The following PCDHA8 variants were observed in gnomAD, a reference collection of about 807,000 sequenced individuals.
The protein encoded by PCDHA8 is protocadherin alpha 8, also known as protocadherin alpha-8.
PCDHA8 carries 53 observed loss-of-function variants against 61.8 expected under a neutral mutation model. The ratio of observed to expected loss-of-function variants is 0.86; its 90% CI spans 0.69 to 1.08. The LOEUF (loss-of-function observed/expected upper bound fraction) is 1.08. Ranked by LOEUF, PCDHA8 falls within the 50% of genes least tolerant of loss-of-function variation. The pLI is 0.00. For synonymous variants in PCDHA8, 618 were observed against 556.6 expected (o/e 1.11, Z -1.55); for missense variants, 1,293 against 1,245.0 (o/e 1.04, Z -0.58).
intron 1 of PCDHA8, chr5:140,856,664 C>T (rs782626089): frequency 6.3e-7 from 1 of 1,598,020 alleles, no homozygotes; most frequent in Non-Finnish European, 8.6e-7. Context: ...AGAAAATCCT[C>T]AGCTAAAGTT....
intron 1 of PCDHA8, chr5:140,926,327 A>AGAGCGCCGGGACCC (rs1363803647): frequency 6.6e-6 from 1 of 152,258 alleles, no homozygotes; most frequent in African/African-American, 2.4e-5. Context: ...CGCCGGGGTC[A>AGAGCGCCGGGACCC]GAGCGCCGGG....
intron 1 of PCDHA8, among the ~76,000 whole-genome samples, chr5:140,911,609 C>T (rs1554194830): frequency 6.6e-6 from 1 of 152,170 alleles, no homozygotes; most frequent in Non-Finnish European, 1.5e-5. Flanking sequence ...TCATTATGTT[C>T]CTTAGTTCCC....
chr5:140,904,365 A>G (rs1036617665), intron 1 of PCDHA8, among the ~76,000 whole-genome samples: 2 of 151,790 alleles, frequency 1.3e-5, no homozygotes, highest in African/African-American at 4.8e-5. Context: ...CCATTATTTC[A>G]TTCCTTTTTA....
At chr5:141,001,607 A>G (rs1554258244) in intron 3 of PCDHA8, among the ~76,000 whole-genome samples, 1 of 152,078 alleles carries the variant, frequency 6.6e-6, no homozygotes, top group African/African-American at 2.4e-5. Flanking sequence ...AGGTTTGCCC[A>G]ATTCATAAAG....
intron 1 of PCDHA8, chr5:140,877,223 C>G: frequency 6.2e-7 from 1 of 1,613,714 alleles, no homozygotes; most frequent in Non-Finnish European, 8.5e-7. Flanking sequence ...GTACCGCGGT[C>G]GGTGGGTGCG....
chr5:140,969,166 C>T lies in PCDHA8; in HGVS notation c.2395-9783C>T, dbSNP rs1554231524. ...GCTACAAGGCCTGTCTGACAGCAGG[C>T]TCAGGGAGTGACACTTTCATGTTTT... On this transcript the variant is annotated intron_variant, in intron 1 of 3. Transcript: ENST00000531613. 2.5e-6 allele frequency: 4 copies of T among 1,614,092 alleles called. No homozygotes were observed. In the South Asian group the frequency reaches 4.4e-5, roughly 18 times the overall value.
chr5:140,935,447 A>G (rs542363713), intron 1 of PCDHA8, among the ~76,000 whole-genome samples: 1 of 152,364 alleles, frequency 6.6e-6, no homozygotes, highest in South Asian at 2.1e-4. Flanking sequence ...AAATAATATG[A>G]TACTGTAGCA....
At chr5:140,894,066 A>G (rs997633914) in intron 1 of PCDHA8, among the ~76,000 whole-genome samples, 1 of 152,204 alleles carries the variant, frequency 6.6e-6, no homozygotes, top group Admixed American at 6.5e-5. Context: ...ATTTTTAAAT[A>G]CATTTATTTT....
intron 1 of PCDHA8, chr5:140,857,275 C>T: frequency 6.3e-7 from 1 of 1,598,374 alleles, no homozygotes; most frequent in Non-Finnish European, 8.6e-7. Context: ...TGGTGCTGGA[C>T]AGCGCTCTGG....
intron 1 of PCDHA8, chr5:140,968,189 TC>T: frequency 6.2e-7 from 1 of 1,614,034 alleles, no homozygotes; most frequent in Non-Finnish European, 8.5e-7. Context: ...GGACTCCTAT[TC>T]CATCTACATA....
rs577527606 is a variant in PCDHA8 at position 140,882,595 on chromosome 5, C to A, written c.2394+38880C>A. 3.7e-6 allele frequency: 6 copies of A among 1,614,204 alleles called. No individual in the cohort carries two copies. The African/African-American group carries it at 8.0e-5, about 22-fold the overall frequency. On this transcript the variant is annotated intron_variant, in intron 1 of 3. Coordinates refer to ENST00000531613, the MANE Select transcript of PCDHA8 (RefSeq NM_018911.3). ...AGTGCAGCATCCACCTGGAGGTGAT[C>A]GTGGACAGGCCTCTGCAGGTTTTCC...
At chr5:140,861,759 C>T (rs2047064113) in intron 1 of PCDHA8, 1 of 93,332 alleles carries the variant, frequency 1.1e-5, no homozygotes, top group Non-Finnish European at 2.2e-5. Context: ...GATTATTTTT[C>T]CCTGGAAATA....
At chr5:140,966,680 A>AGCG in intron 1 of PCDHA8, 1 of 1,317,158 alleles carries the variant, frequency 7.6e-7, no homozygotes, top group Non-Finnish European at 9.8e-7. Flanking sequence ...GGGTGGCACG[A>AGCG]GCGGAGGCGG....
At position 141,011,314 on chromosome 5, in the gene PCDHA8, T is replaced by G. The variant is rs1269900647; in HGVS notation, c.*1377T>G. 2.0e-5 allele frequency: 3 copies of G among 153,782 alleles called. No homozygotes were observed. Among genetic ancestry groups the G allele is most frequent in the Non-Finnish European group, 4.4e-5 (3 of 68,040 alleles). 9.5% of individuals were successfully genotyped at this position (153,782 alleles called of 1,614,324 possible). On this transcript the variant is annotated 3_prime_UTR_variant, in exon 4 of 4. Coordinates refer to ENST00000531613, the MANE Select transcript of PCDHA8 (RefSeq NM_018911.3). ...CTATAACACTCTGAATTGCTAATCT[T>G]ACTAACACCTATGATGTTACCTGAA...
intron 2 of PCDHA8, among the ~76,000 whole-genome samples, chr5:140,981,152 C>T (rs1340087244): frequency 6.6e-6 from 1 of 152,210 alleles, no homozygotes; most frequent in African/African-American, 2.4e-5. Flanking sequence ...AAACATTGAA[C>T]TTATATGTTG....
At chr5:140,990,445 A>C (rs1212288513) in intron 3 of PCDHA8, among the ~76,000 whole-genome samples, 2 of 152,140 alleles carry the variant, frequency 1.3e-5, no homozygotes, top group Non-Finnish European at 2.9e-5. Context: ...TTGTGTCCAG[A>C]GCTGTTGCTG....
At chr5:141,002,052 G>GGCA (rs1217531547) in intron 3 of PCDHA8, among the ~76,000 whole-genome samples, 1 of 152,206 alleles carries the variant, frequency 6.6e-6, no homozygotes, top group Non-Finnish European at 1.5e-5. Flanking sequence ...GGCATCCAGA[G>GGCA]GCAGCAGCAG....
At chr5:140,883,913 G>T (rs782585121) in intron 1 of PCDHA8, 1 of 1,613,478 alleles carries the variant, frequency 6.2e-7, no homozygotes, top group South Asian at 1.1e-5. Context: ...GGGCAGCAAC[G>T]TGACGCTGCA....
At chr5:140,950,872 T>C (rs782492363) in intron 1 of PCDHA8, among the ~76,000 whole-genome samples, 14 of 152,210 alleles carry the variant, frequency 9.2e-5, no homozygotes, top group Middle Eastern at 3.4e-3. Context: ...ATATTCTATA[T>C]TGTTCAATAG....
Sources: gnomAD v4.1 joint callset for allele counts (sites outside exome capture counted in the v4.1 genomes callset) on GRCh38, gnomAD v4.1.1 for gene constraint, MANE v1.5 for transcripts, NCBI Gene and HGNC (gene_info 2026-07-23, HGNC 2026-07-21) for gene names.